Variants in PTK2 observed in about 807,000 individuals in gnomAD.
The protein encoded by PTK2 is focal adhesion kinase 1.
Under a neutral mutation model 150.1 loss-of-function variants are expected in PTK2, and 45 were observed. The observed-to-expected ratio is 0.30, with a 90% CI of 0.24 to 0.38. PTK2 has a LOEUF of 0.38. Among genes scored for constraint, PTK2 ranks in the 10% least tolerant of loss-of-function variants. The pLI is 1.00. For missense variants in PTK2, 919 were observed against 1,307.3 expected (o/e 0.70, Z 4.58); for synonymous variants, 432 against 449.2 (o/e 0.96, Z 0.48).
chr8:140,997,120 G>A (rs1341884973), intron 1 of PTK2, among the ~76,000 whole-genome samples: 1 of 152,210 alleles, frequency 6.6e-6, no homozygotes, highest in Non-Finnish European at 1.5e-5. Context: ...CTTCAGTAGA[G>A]AAAGTAAATG....
chr8:140,782,254 TG>T (rs11375755), intron 14 of PTK2, among the ~76,000 whole-genome samples: 24 of 138,074 alleles, frequency 1.7e-4, no homozygotes, highest in African/African-American at 2.2e-4. Flanking sequence ...TTTTTTTTTT[TG>T]GGGGGGGGGA....
chr8:140,839,233 G>A (rs566331951), intron 7 of PTK2, among the ~76,000 whole-genome samples: 3 of 152,232 alleles, frequency 2.0e-5, no homozygotes, highest in African/African-American at 7.2e-5. Context: ...TGAACCCGGC[G>A]CTTGGGCACT....
intron 14 of PTK2, among the ~76,000 whole-genome samples, chr8:140,775,647 G>C (rs2100077984): frequency 6.6e-6 from 1 of 151,870 alleles, no homozygotes; most frequent in African/African-American, 2.4e-5. Flanking sequence ...CCAGGCCCTT[G>C]ATTTTTATGC....
chr8:140,693,346 G>A (rs930413612), intron 26 of PTK2, among the ~76,000 whole-genome samples: 4 of 152,000 alleles, frequency 2.6e-5, no homozygotes, highest in African/African-American at 9.7e-5. Flanking sequence ...TTGAGCCCAG[G>A]AGTTTGAGAC....
At chr8:140,955,742 G>A (rs1412751261) in intron 1 of PTK2, among the ~76,000 whole-genome samples, 1 of 152,126 alleles carries the variant, frequency 6.6e-6, no homozygotes, top group African/African-American at 2.4e-5. Flanking sequence ...GACCAAGCCA[G>A]CAGCCAAAAA....
chr8:140,965,280 A>G (rs1293856359), intron 1 of PTK2, among the ~76,000 whole-genome samples: 1 of 152,024 alleles, frequency 6.6e-6, no homozygotes, highest in African/African-American at 2.4e-5. Flanking sequence ...TTTCTCTCAC[A>G]TCTCTATGCC....
chr8:140,818,271 A>G lies in PTK2; in HGVS notation c.867+6T>C. ...CCAAGTTCCCGAAAGGTCAGAGCAG[A>G]CTTACATTGCAGCCCTTGTCCGTTA... On this transcript the variant is annotated splice_donor_region_variant and intron_variant, in intron 10 of 31. Transcript: ENST00000522684. 1 of 1,610,194 alleles carries G rather than the reference A, an allele frequency of 6.2e-7. No individual in the cohort carries two copies. The highest frequency in any genetic ancestry group is 8.5e-7 in the Non-Finnish European group (1 of 1,176,324).
chr8:140,950,321 C>A (rs568085653), intron 1 of PTK2, among the ~76,000 whole-genome samples: 4 of 152,324 alleles, frequency 2.6e-5, no homozygotes, highest in African/African-American at 9.6e-5. Context: ...CTTTGCAGTT[C>A]CTGGCATCTC....
At chr8:140,837,587 G>A (rs2100119494) in intron 7 of PTK2, among the ~76,000 whole-genome samples, 1 of 151,414 alleles carries the variant, frequency 6.6e-6, no homozygotes, top group South Asian at 2.1e-4. Context: ...AAATTAGCTG[G>A]GCGTGGTGGT....
At chr8:140,882,659 A>C (rs1164196237) in intron 3 of PTK2, among the ~76,000 whole-genome samples, 1 of 152,204 alleles carries the variant, frequency 6.6e-6, no homozygotes, top group Non-Finnish European at 1.5e-5. Context: ...CTTATCAGGA[A>C]CATAACATTA....
chr8:140,808,330 G>A (rs2100099313), intron 10 of PTK2, among the ~76,000 whole-genome samples: 1 of 152,190 alleles, frequency 6.6e-6, no homozygotes. Context: ...AACAAATGAG[G>A]AGGAGGAGTG....
intron 1 of PTK2, among the ~76,000 whole-genome samples, chr8:140,953,363 T>C (rs903564529): frequency 6.6e-6 from 1 of 152,218 alleles, no homozygotes; most frequent in Non-Finnish European, 1.5e-5. Context: ...CCAGCATCAC[T>C]ACTACCCCTC....
chr8:140,992,383 T>C (rs927182203), intron 1 of PTK2, among the ~76,000 whole-genome samples: 4 of 151,792 alleles, frequency 2.6e-5, no homozygotes, highest in African/African-American at 4.8e-5. Context: ...AGCAGGAGAA[T>C]TGCTTGAACC....
chr8:140,907,556 T>TA (rs1161908586), intron 2 of PTK2, among the ~76,000 whole-genome samples: 2 of 151,922 alleles, frequency 1.3e-5, no homozygotes, highest in African/African-American at 2.4e-5. Context: ...GCCTTTTTTT[T>TA]AAAACAAAAA....
At chr8:140,663,528 A>G (rs1201101796) in intron 31 of PTK2, among the ~76,000 whole-genome samples, 1 of 150,688 alleles carries the variant, frequency 6.6e-6, no homozygotes, top group Admixed American at 7.2e-5. Flanking sequence ...TCCCAACCAC[A>G]GAATGTACAC....
intron 1 of PTK2, among the ~76,000 whole-genome samples, chr8:140,931,181 T>G (rs930774499): frequency 1.3e-5 from 2 of 152,186 alleles, no homozygotes; most frequent in African/African-American, 2.4e-5. Context: ...CACCCTATTT[T>G]CTTTCCATCA....
At position 140,670,488 on chromosome 8, in the gene PTK2, AACACACACACACACACACAC is replaced by A. The variant is rs57247522; in HGVS notation, c.2710-2084_2710-2065del. On this transcript the variant is annotated intron_variant, in intron 29 of 31. Coordinates refer to ENST00000522684, the Ensembl canonical transcript of PTK2. Reference sequence around the variant, plus strand: ...AAAAAAAAAAAAAAAAAAAAACAACAACACACACACACACACACACACACACACACACACACACACACACA... The same window carrying A: ...AAAAAAAAAAAAAAAAAAAAACAACAACACACACACACACACACACACACA... Among the ~76,000 whole-genome samples, 115 of 38,982 alleles carry A rather than the reference AACACACACACACACACACAC, an allele frequency of 3.0e-3. 26 individuals carry two copies. The highest frequency in any genetic ancestry group is 0.025 in the South Asian group (22 of 894). 25.6% of individuals were successfully genotyped at this position (38,982 alleles called of 152,430 possible). A position where few individuals can be genotyped will look rare whatever the true frequency, so the allele number is the denominator to read the frequency against.
chr8:140,799,498 G>A (rs2100093675), intron 12 of PTK2, among the ~76,000 whole-genome samples: 1 of 152,164 alleles, frequency 6.6e-6, no homozygotes, highest in Non-Finnish European at 1.5e-5. Context: ...AGCGTGAGCT[G>A]CTTTACAGTT....
intron 29 of PTK2, 51 bp from the exon 34 acceptor site, chr8:140,668,475 G>A (rs760850862): frequency 6.4e-7 from 1 of 1,554,074 alleles, no homozygotes; most frequent in African/African-American, 1.4e-5. Flanking sequence ...GATGGCGTGA[G>A]ATCACCACAA....
Sources: gnomAD v4.1 joint callset for allele counts (sites outside exome capture counted in the v4.1 genomes callset) on GRCh38, gnomAD v4.1.1 for gene constraint, MANE v1.5 for transcripts, NCBI Gene and HGNC (gene_info 2026-07-23, HGNC 2026-07-21) for gene names.